SIAE: variants seen among roughly 807,000 people sequenced by gnomAD.
SIAE encodes sialic acid acetylesterase.
SIAE carries 39 observed loss-of-function variants against 52.6 expected under a neutral mutation model. The ratio of observed to expected loss-of-function variants is 0.74; its 90% CI spans 0.57 to 0.97. SIAE has a LOEUF of 0.97. Among genes scored for constraint, SIAE ranks in the 50% least tolerant of loss-of-function variants. The pLI is 0.00. For synonymous variants in SIAE, 233 were observed against 241.4 expected, an observed-to-expected ratio of 0.97 and a Z score of 0.32; for missense variants, 592 against 662.1, an observed-to-expected ratio of 0.89 and a Z score of 1.16.
chr11:124,673,892 C>T (rs1943417661), upstream of SIAE: 2 of 641,686 alleles, frequency 3.1e-6, no homozygotes, highest in South Asian at 4.2e-5. Context: ...AAAGAAAAAA[C>T]GGTTACCCAG....
Position 124,644,351 on chromosome 11 carries a change from G to GAAAAAAAAAAAAAAAA in SIAE, c.966+3013_966+3014insTTTTTTTTTTTTTTTT, listed in dbSNP as rs766691334. ...AACGCCACAGGAAAGAGTCTGTGGT[G>GAAAAAAAAAAAAAAAA]AGAAAAAAAAAAAAAAAAAAAAACT... On this transcript the variant is annotated intron_variant, in intron 7 of 9. Transcript: ENST00000263593. Among the ~76,000 whole-genome samples the GAAAAAAAAAAAAAAAA allele has an allele frequency of 3.1e-4, 31 of 98,968 alleles. 1 individual carries two copies. Among genetic ancestry groups the GAAAAAAAAAAAAAAAA allele is most frequent in the African/African-American group, 1.1e-3 (28 of 25,148 alleles). 64.9% of individuals were successfully genotyped at this position (98,968 alleles called of 152,430 possible).
Position 124,633,677 on chromosome 11 carries a change from C to T in SIAE, c.*3274G>A, listed in dbSNP as rs1210227176. On this transcript the variant is annotated 3_prime_UTR_variant, in exon 10 of 10. Coordinates refer to ENST00000263593, the MANE Select transcript of SIAE (RefSeq NM_170601.5). The stretch of plus-strand genomic sequence containing the variant: ...ATAGTCTTTTTATAAGTTGTATACA[C>T]TTTACAATGTAAAAGAAACAAACTT... 1 of 152,172 alleles carries T rather than the reference C, an allele frequency of 6.6e-6. No homozygotes were observed. Among genetic ancestry groups the T allele is most frequent in the African/African-American group, 2.4e-5 (1 of 41,416 alleles). 9.4% of individuals were successfully genotyped at this position (152,172 alleles called of 1,614,324 possible).
At chr11:124,641,959 CAAAAAAAAAAA>C (rs11327177) in intron 7 of SIAE, among the ~76,000 whole-genome samples, 1 of 39,220 alleles carries the variant, frequency 2.5e-5, no homozygotes, top group Non-Finnish European at 5.6e-5. Context: ...GACTCCATCT[CAAAAAAAAAAA>C]AAAAAAAAAA....
chr11:124,637,204 T>C lies in SIAE; in HGVS notation c.1321-2A>G, dbSNP rs201156157. 26 of 1,614,088 alleles carry C rather than the reference T, an allele frequency of 1.6e-5. No individual in the cohort carries two copies. The East Asian group carries it at 5.6e-4, about 35-fold the overall frequency. On this transcript the variant is annotated splice_acceptor_variant, in intron 9 of 9. Coordinates refer to ENST00000263593, the MANE Select transcript of SIAE (RefSeq NM_170601.5). LOFTEE classifies it high-confidence loss of function. ...TCGATGGTCACTGCAACAGGAGATC[T>C]AATAAGAGAGCCATAAAATAGGAAT...
chr11:124,639,819 T>C lies in SIAE; in HGVS notation c.1015A>G (p.Ile339Val). Reference sequence around the variant, plus strand: ...AAGTCTGCTGTTTGATGCCAACGGATCTGGGGAAATCCATCGTCTGAGCTC... The same window carrying C: ...AAGTCTGCTGTTTGATGCCAACGGACCTGGGGAAATCCATCGTCTGAGCTC... ...KKSSDDGFPQIRWHQTADFGY... is the reference protein window; with the variant it reads ...KKSSDDGFPQVRWHQTADFGY... Residue 339 changes from isoleucine to valine, a missense_variant, in exon 8 of 10, where the codon ATC (isoleucine) becomes GTC (valine). By Grantham distance (29) the Ile-to-Val change is conservative (BLOSUM62 3). Coordinates refer to ENST00000263593, the MANE Select transcript of SIAE (RefSeq NM_170601.5). 1.2e-6 allele frequency: 2 copies of C among 1,614,084 alleles called. No individual in the cohort carries two copies. The highest frequency in any genetic ancestry group is 2.2e-5 in the East Asian group (1 of 44,904).
intron 7 of SIAE, among the ~76,000 whole-genome samples, chr11:124,644,351 G>GAAAAAAAAAAAAAAAAAAAAAAAAAAAA (rs766691334): frequency 5.1e-5 from 5 of 98,992 alleles, no homozygotes; most frequent in African/African-American, 2.0e-4. Context: ...AGTCTGTGGT[G>GAAAAAAAAAAAAAAAAAAAAAAAAAAAA]AGAAAAAAAA....
upstream of SIAE, chr11:124,673,764 C>T: frequency 1.3e-6 from 2 of 1,589,786 alleles, no homozygotes; most frequent in Non-Finnish European, 8.6e-7. Context: ...CCGGCAGGGG[C>T]GGGGCCTGGG....
intron 7 of SIAE, among the ~76,000 whole-genome samples, chr11:124,644,568 A>G (rs958394250): frequency 6.6e-6 from 1 of 152,178 alleles, no homozygotes; most frequent in African/African-American, 2.4e-5. Context: ...AATCTGAGAT[A>G]CAGTGGGGCG....
rs1942851568 is a variant in SIAE at position 124,641,855 on chromosome 11, G to T, written c.967-1988C>A. ...GATGCCTGTAATCCCAGCTACTCGG[G>T]AGGCTGAGGCAGGAGAATCACTTGA... On this transcript the variant is annotated intron_variant, in intron 7 of 9. Transcript: ENST00000263593. Among the ~76,000 whole-genome samples the T allele has an allele frequency of 4.0e-5, 6 of 151,430 alleles. 1 individual carries two copies. The South Asian group carries it at 1.3e-3, about 32-fold the overall frequency.
Position 124,637,303 on chromosome 11 carries a change from A to ACTC in SIAE, c.1321-104_1321-102dup, listed in dbSNP as rs1163022397. 5.9e-6 allele frequency: 9 copies of ACTC among 1,536,616 alleles called. No homozygotes were observed. In the East Asian group the frequency reaches 2.0e-4, roughly 35 times the overall value. The stretch of plus-strand genomic sequence containing the variant: ...CAGAATGGATGGGAGGAAAGGAGAC[A>ACTC]CTCTTCACCAAGGACCTACTCCTAC... On this transcript the variant is annotated intron_variant, in intron 9 of 9. Transcript: ENST00000263593.
chr11:124,651,189 G>A (rs1943010870), intron 4 of SIAE, among the ~76,000 whole-genome samples: 1 of 152,160 alleles, frequency 6.6e-6, no homozygotes, highest in Non-Finnish European at 1.5e-5. Context: ...ATGGATGGGA[G>A]ACAGTGATGA....
chr11:124,652,614 A>C (rs911939851), intron 4 of SIAE, among the ~76,000 whole-genome samples: 7 of 151,180 alleles, frequency 4.6e-5, no homozygotes, highest in Non-Finnish European at 8.8e-5. Context: ...GAATCACTTG[A>C]AGCTGGGAGG....
chr11:124,647,170 G>T (rs1040794236), intron 7 of SIAE, among the ~76,000 whole-genome samples, 195 bp downstream of exon 7: 1 of 151,962 alleles, frequency 6.6e-6, no homozygotes, highest in Non-Finnish European at 1.5e-5. Flanking sequence ...AGATTTAATT[G>T]TCCTATCAGT....
In SIAE at chr11:124,669,491, T is replaced by A; in HGVS notation, c.98A>T (p.Asn33Ile). 2.5e-6 allele frequency: 4 copies of A among 1,614,162 alleles called. No homozygotes were observed. Among genetic ancestry groups the A allele is most frequent in the Non-Finnish European group, 3.4e-6 (4 of 1,180,024 alleles). The change falls in exon 2 of 10, where the codon AAT (asparagine) becomes ATT (isoleucine). Residue 33 changes from asparagine to isoleucine, a missense_variant. Transcript: ENST00000263593. ...CTCCTTCTGCAGCACCATATCATTA[T>A]TGATGTATGAAGCAAAGCGAAAACC... Reference protein sequence around the residue: ...GIGFRFASYINNDMVLQKEPA... With the variant: ...GIGFRFASYIINDMVLQKEPA...
rs1942666718 is a variant in SIAE at position 124,634,034 on chromosome 11, T to C, written c.*2917A>G. The C allele has an allele frequency of 6.6e-6, 1 of 152,252 alleles. No individual in the cohort carries two copies. The highest frequency in any genetic ancestry group is 2.1e-4 in the South Asian group (1 of 4,836). The allele number at this position is 152,252 out of a possible 1,614,324, so 9.4% of individuals were successfully genotyped here. ...GAAGATATGTGTAAAATGTTTTTAC[T>C]ATGGATCATGGATTTAAGAAACTTG... is the stretch of plus-strand genomic sequence containing the variant. On this transcript the variant is annotated 3_prime_UTR_variant, in exon 10 of 10. Coordinates refer to ENST00000263593, the MANE Select transcript of SIAE (RefSeq NM_170601.5).
chr11:124,654,932 C>A, intron 3 of SIAE, 139 bp from the exon 4 acceptor site: 1 of 931,856 alleles, frequency 1.1e-6, no homozygotes, highest in Admixed American at 1.8e-5. Context: ...ATGGGCTGCA[C>A]TGAATCACCT....
In SIAE at chr11:124,638,716, CTG is replaced by C. The variant is rs746986659; in HGVS notation, c.1144_1145del (p.Gln382AspfsTer17). ...CCAAATGCAGCCGATAAGCCACAGT[CTG>C]TTTATCTCGAGGGTGGATGCTACAG... Reference protein sequence around the residue: ...PFGSIHPRDKQTVAYRLHLGA... With the variant: ...PFGSIHPRDKXTVAYRLHLGA... On this transcript the variant is annotated frameshift_variant, in exon 9 of 10. Transcript: ENST00000263593. LOFTEE classifies it high-confidence loss of function. The C allele has an allele frequency of 5.6e-6, 9 of 1,614,086 alleles. 1 individual carries two copies. The Admixed American group carries it at 1.5e-4, about 27-fold the overall frequency.
At position 124,654,659 on chromosome 11, in the gene SIAE, G is replaced by A. The variant is rs766471529; in HGVS notation, c.540C>T (p.Thr180=). 2 of 1,614,120 alleles carry A rather than the reference G, an allele frequency of 1.2e-6. No homozygotes were observed. Among genetic ancestry groups the A allele is most frequent in the South Asian group, 1.1e-5 (1 of 91,076 alleles). The change falls in exon 4 of 10, where the codon ACC becomes ACT. Residue 180 remains threonine (T), a synonymous_variant. Transcript: ENST00000263593. ...VAVDLQWSKP[T]SENLGHGYFK... Reference sequence around the variant, plus strand: ...CACGTTCAAGCCGTCACATACCTGAGGTGGGCTTAGACCACTGCAAGTCAA... The same window carrying A: ...CACGTTCAAGCCGTCACATACCTGAAGTGGGCTTAGACCACTGCAAGTCAA...
intron 6 of SIAE, 92 bp from the exon 7 acceptor site, chr11:124,647,590 G>A: frequency 2.3e-5 from 34 of 1,482,004 alleles, no homozygotes; most frequent in Non-Finnish European, 2.9e-5. Flanking sequence ...CCCTGAGGTA[G>A]TGGTCTTCCC....
Sources: gnomAD v4.1 joint callset for allele counts (sites outside exome capture counted in the v4.1 genomes callset) on GRCh38, gnomAD v4.1.1 for gene constraint, MANE v1.5 for transcripts, NCBI Gene and HGNC (gene_info 2026-07-23, HGNC 2026-07-21) for gene names.